AFAP1: variants seen among roughly 807,000 people sequenced by gnomAD.
AFAP1 encodes actin filament-associated protein 1.
A neutral mutation model predicts 93.9 loss-of-function variants in AFAP1; 75 were observed. The ratio of observed to expected loss-of-function variants is 0.80; its 90% CI spans 0.66 to 0.97. AFAP1 has a LOEUF of 0.97. Ranked by LOEUF, AFAP1 falls within the 50% of genes least tolerant of loss-of-function variation. The pLI is 0.00. For synonymous variants in AFAP1, 517 were observed against 430.7 expected, an observed-to-expected ratio of 1.20 and a Z score of -2.48; for missense variants, 1,201 against 1,050.8, an observed-to-expected ratio of 1.14 and a Z score of -1.98.
chr4:7,930,267 C>T (rs979551935), intron 1 of AFAP1, among the ~76,000 whole-genome samples: 5 of 152,210 alleles, frequency 3.3e-5, no homozygotes, highest in Non-Finnish European at 5.9e-5. Flanking sequence ...AGTGCCACCT[C>T]CCCAGCACCA....
At chr4:7,863,141 C>T (rs180743596) in intron 3 of AFAP1, among the ~76,000 whole-genome samples, 3 of 152,316 alleles carry the variant, frequency 2.0e-5, no homozygotes, top group East Asian at 3.9e-4. Flanking sequence ...AAAAGCCAGG[C>T]GCGGTGGCTC....
At chr4:7,840,409 G>A (rs1712874403) in intron 5 of AFAP1, among the ~76,000 whole-genome samples, 1 of 150,362 alleles carries the variant, frequency 6.7e-6, no homozygotes, top group Non-Finnish European at 1.5e-5. Context: ...CCCCTCCTGG[G>A]TTCAAGCGAT....
intron 1 of AFAP1, among the ~76,000 whole-genome samples, chr4:7,894,340 T>C (rs748404745): frequency 6.6e-6 from 1 of 152,156 alleles, no homozygotes; most frequent in African/African-American, 2.4e-5. Context: ...CTCTGCTCTG[T>C]TACAGAAAAA....
intron 12 of AFAP1, among the ~76,000 whole-genome samples, chr4:7,785,429 C>G (rs1717169336): frequency 6.6e-6 from 1 of 152,116 alleles, no homozygotes; most frequent in Non-Finnish European, 1.5e-5. Flanking sequence ...CCAAATCCAC[C>G]CCAAGGTAAG....
chr4:7,920,682 A>C lies in AFAP1; in HGVS notation c.-3+18974T>G, dbSNP rs1271985866. Among the ~76,000 whole-genome samples the C allele has an allele frequency of 2.0e-5, 3 of 152,376 alleles. No homozygotes were observed. The East Asian group carries it at 5.8e-4, about 29-fold the overall frequency. The stretch of plus-strand genomic sequence containing the variant: ...TACCAACCTTTCTCTTACCAAAGAA[A>C]CTGCAATCCCTAAAAGACAAATAGC... On this transcript the variant is annotated intron_variant, in intron 1 of 17. Transcript: ENST00000420658.
intron 1 of AFAP1, among the ~76,000 whole-genome samples, chr4:7,920,506 A>G (rs1720380513): frequency 6.6e-6 from 1 of 152,244 alleles, no homozygotes; most frequent in South Asian, 2.1e-4. Flanking sequence ...TAATGCTGTA[A>G]CTATAATAAA....
At chr4:7,846,142 C>T (rs1351642144) in intron 4 of AFAP1, among the ~76,000 whole-genome samples, 2 of 152,172 alleles carry the variant, frequency 1.3e-5, no homozygotes, top group Admixed American at 6.5e-5. Context: ...TGAGCGAGGC[C>T]ACAAAACGAC....
At chr4:7,879,863 C>CA (rs1327847099) in intron 1 of AFAP1, among the ~76,000 whole-genome samples, 2 of 152,078 alleles carry the variant, frequency 1.3e-5, no homozygotes, top group South Asian at 4.2e-4. Context: ...GACAGGGTCT[C>CA]ACTATTTGCC....
rs78605669 is a variant in AFAP1, at chr4:7,798,752, G to A, written c.1266+1690C>T. On this transcript the variant is annotated intron_variant, in intron 10 of 17. Transcript: ENST00000420658. Reference sequence around the variant, plus strand: ...TGCTACCACTTTCTCTCCAGGACTCGGGGCACACAGCTACTGTGCCCCCAG... The same window carrying A: ...TGCTACCACTTTCTCTCCAGGACTCAGGGCACACAGCTACTGTGCCCCCAG... 3.1e-3 allele frequency: 1,066 copies of A among 342,930 alleles called. 14 individuals are homozygous for A. The highest frequency in any genetic ancestry group is 0.018 in the African/African-American group (820 of 44,464). The allele number at this position is 342,930 out of a possible 1,614,324, so 21.2% of individuals were successfully genotyped here. A position where few individuals can be genotyped will look rare whatever the true frequency, so the allele number is the denominator to read the frequency against.
chr4:7,759,203 A>G lies in AFAP1; in HGVS notation c.*4562T>C, dbSNP rs1409099573. 1 of 152,678 alleles carries G rather than the reference A, an allele frequency of 6.5e-6. No individual in the cohort carries two copies. Among genetic ancestry groups the G allele is most frequent in the Non-Finnish European group, 1.5e-5 (1 of 68,046 alleles). The allele number at this position is 152,678 out of a possible 1,614,324, so 9.5% of individuals were successfully genotyped here. A position where few individuals can be genotyped will look rare whatever the true frequency, so the allele number is the denominator to read the frequency against. Reference sequence around the variant, plus strand: ...AGAAAATCAAAAAGATTATCTCATTAAAAACACCTTTGGTCCTAAGACTTA... The same window carrying G: ...AGAAAATCAAAAAGATTATCTCATTGAAAACACCTTTGGTCCTAAGACTTA... On this transcript the variant is annotated 3_prime_UTR_variant, in exon 18 of 18. Coordinates refer to ENST00000420658, the MANE Select transcript of AFAP1 (RefSeq NM_001134647.2).
intron 11 of AFAP1, among the ~76,000 whole-genome samples, chr4:7,787,305 C>A (rs1386143072): frequency 2.0e-5 from 3 of 152,226 alleles, no homozygotes; most frequent in African/African-American, 7.2e-5. Flanking sequence ...GCACCTCTTC[C>A]CTCACTGCTT....
rs1713939999 is a variant in AFAP1, at chr4:7,762,392, C to T, written c.*1373G>A. 1.3e-5 allele frequency: 2 copies of T among 152,242 alleles called. No individual in the cohort carries two copies. The highest frequency in any genetic ancestry group is 4.1e-4 in the South Asian group (2 of 4,836). The allele number at this position is 152,242 out of a possible 1,614,324, so 9.4% of individuals were successfully genotyped here. The stretch of plus-strand genomic sequence containing the variant: ...GGGGAAGGGGCGGTTGCTACTGGGA[C>T]TGGTCTCCATGAATCTGCCTGCGGA... On this transcript the variant is annotated 3_prime_UTR_variant, in exon 18 of 18. Transcript: ENST00000420658.
chr4:7,878,792 A>G (rs2149193749), intron 1 of AFAP1, among the ~76,000 whole-genome samples: 1 of 152,320 alleles, frequency 6.6e-6, no homozygotes, highest in Admixed American at 6.5e-5. Context: ...GTTTTTGCCT[A>G]AGGTCACACA....
rs1191947628 is a variant in AFAP1 at position 7,939,348 on chromosome 4, C to G, written c.-3+308G>C. ...TCTTCGCAGGGCCCCCTCTGACGCA[C>G]ACGGGGACCAGCCACGCCGCGGGGG... On this transcript the variant is annotated intron_variant, in intron 1 of 17. Transcript: ENST00000420658. The surrounding 1 kb of genome is among the most constrained non-coding windows in gnomAD (Gnocchi z 5.6). 1.9e-5 allele frequency: 6 copies of G among 324,030 alleles called. No individual in the cohort carries two copies. Among genetic ancestry groups the G allele is most frequent in the African/African-American group, 1.1e-4 (5 of 43,630 alleles). The allele number at this position is 324,030 out of a possible 1,614,324, so 20.1% of individuals were successfully genotyped here.
chr4:7,890,449 T>C (rs1169897848), intron 1 of AFAP1, among the ~76,000 whole-genome samples: 2 of 152,080 alleles, frequency 1.3e-5, no homozygotes, highest in Non-Finnish European at 2.9e-5. Context: ...GGCAAAAATA[T>C]TTATGACTCT....
intron 3 of AFAP1, among the ~76,000 whole-genome samples, chr4:7,864,117 C>CCATTCCCAACTTCCCATCACAACA (rs1560207849): frequency 2.1e-3 from 6 of 2,856 alleles, no homozygotes; most frequent in African/African-American, 4.4e-3. Context: ...CCATCACAAC[C>CCATTCCCAACTTCCCATCACAACA]CATTCCCAAC....
At chr4:7,798,858 G>A in intron 10 of AFAP1, 17 of 953,056 alleles carry the variant, frequency 1.8e-5, no homozygotes, top group Non-Finnish European at 2.1e-5. Flanking sequence ...TTCTCTGTCT[G>A]GGCACTTGCC....
intron 1 of AFAP1, among the ~76,000 whole-genome samples, chr4:7,934,266 C>T (rs990024896): frequency 2.6e-5 from 4 of 152,316 alleles, no homozygotes; most frequent in East Asian, 1.9e-4. Flanking sequence ...CAGACTAACC[C>T]GGCTCCAGAT....
intron 1 of AFAP1, among the ~76,000 whole-genome samples, chr4:7,907,988 G>A (rs1324882122): frequency 1.3e-5 from 2 of 152,140 alleles, no homozygotes; most frequent in African/African-American, 4.8e-5. Flanking sequence ...GAGGCGGGAG[G>A]ATCACCTGAT....
Sources: gnomAD v4.1 joint callset for allele counts (sites outside exome capture counted in the v4.1 genomes callset) on GRCh38, gnomAD v4.1.1 for gene constraint, Gnocchi (gnomAD v3.1) non-coding constraint, MANE v1.5 for transcripts, NCBI Gene and HGNC (gene_info 2026-07-23, HGNC 2026-07-21) for gene names.